FBXW10: variants seen among roughly 807,000 people sequenced by gnomAD.
FBXW10 encodes F-box/WD repeat-containing protein 10.
FBXW10 carries 68 observed loss-of-function variants against 113.1 expected under a neutral mutation model. The observed-to-expected ratio is 0.60, with a 90% CI of 0.49 to 0.74. FBXW10 has a LOEUF of 0.74. Among genes scored for constraint, FBXW10 ranks in the 30% least tolerant of loss-of-function variants. The pLI is 0.00. For missense variants in FBXW10, 753 were observed against 1,284.5 expected (o/e 0.59, Z 6.32); for synonymous variants, 289 against 481.6 (o/e 0.60, Z 5.24).
intron 7 of FBXW10, among the ~76,000 whole-genome samples, chr17:18,762,620 C>A (rs1250159532): frequency 2.0e-5 from 3 of 152,134 alleles, no homozygotes; most frequent in Non-Finnish European, 2.9e-5. Context: ...CCACGCCCGG[C>A]CGACAATATA....
intron 7 of FBXW10, among the ~76,000 whole-genome samples, chr17:18,760,334 G>C (rs1159003822): frequency 6.6e-6 from 1 of 152,218 alleles, no homozygotes. Flanking sequence ...GTATTGACTT[G>C]TGTGATCAAG....
intron 5 of FBXW10, among the ~76,000 whole-genome samples, chr17:18,755,554 GA>G (rs113240009): frequency 1.2e-4 from 18 of 148,632 alleles, no homozygotes; most frequent in African/African-American, 3.7e-4. Flanking sequence ...GACTCCGTCT[GA>G]AAAAAAAAAA....
Position 18,747,926 on chromosome 17 carries a change from T to C in FBXW10, c.506-15T>C, listed in dbSNP as rs1037618209. The C allele has an allele frequency of 2.5e-6, 4 of 1,613,742 alleles. No homozygotes were observed. Among genetic ancestry groups the C allele is most frequent in the African/African-American group, 2.7e-5 (2 of 74,908 alleles). On this transcript the variant is annotated splice_polypyrimidine_tract_variant and intron_variant, in intron 1 of 13. Transcript: ENST00000395665. ...CGCTTCAAGAGCAACCTTGTCTTGG[T>C]CTTCTGTGTTTCAGGGCTCAATCAA...
rs2035159294 is a variant in FBXW10, at chr17:18,751,055, T to G, written c.1122+2T>G. ...CCGAAGTGGAAGCTGAGAACGAAGG[T>G]GGGTTCCAACAGCATCTGGGGCAAG... On this transcript the variant is annotated splice_donor_variant, in intron 5 of 13. Transcript: ENST00000395665. LOFTEE classifies it high-confidence loss of function. 1.2e-6 allele frequency: 2 copies of G among 1,613,328 alleles called. No individual in the cohort carries two copies. The highest frequency in any genetic ancestry group is 3.3e-5 in the Admixed American group (2 of 59,952).
intron 2 of FBXW10, among the ~76,000 whole-genome samples, chr17:18,748,419 A>C (rs996348268): frequency 2.0e-5 from 3 of 147,292 alleles, no homozygotes; most frequent in African/African-American, 7.6e-5. Flanking sequence ...AAAAAAAAAA[A>C]AAAAAAAAAA....
intron 8 of FBXW10, among the ~76,000 whole-genome samples, chr17:18,765,240 G>A (rs2035472779): frequency 6.6e-6 from 1 of 152,210 alleles, no homozygotes; most frequent in Admixed American, 6.5e-5. Context: ...CATTTACTGA[G>A]TACCAGTTTT....
Position 18,756,503 on chromosome 17 carries a change from G to A in FBXW10, c.1232+349G>A, listed in dbSNP as rs1379173278. ...AAAAATCTTTCAAATGCCAGAAAAT[G>A]TATAGAGAAAGGCAAAGTTTTCCTG... On this transcript the variant is annotated intron_variant, in intron 6 of 13. Transcript: ENST00000395665. 2.6e-5 allele frequency among the ~76,000 whole-genome samples: 4 copies of A among 151,944 alleles called. No homozygotes were observed. The South Asian group carries it at 8.3e-4, about 32-fold the overall frequency.
rs781458691 is a variant in FBXW10 at position 18,778,561 on chromosome 17, A to C, written c.2422A>C (p.Ile808Leu). The change falls in exon 14 of 14, where the codon ATC (isoleucine) becomes CTC (leucine). Residue 808 changes from isoleucine to leucine, a missense_variant. By Grantham distance (5) the Ile-to-Leu change is conservative. Transcript: ENST00000395665. ...PSHPKKKSWKIPMSPDQFLLT... is the reference protein window; with the variant it reads ...PSHPKKKSWKLPMSPDQFLLT... ...TCACCCAAAGAAAAAGTCTTGGAAAATCCCTATGTCACCTGACCAATTCCT... is the reference window on the plus strand; with the variant it reads ...TCACCCAAAGAAAAAGTCTTGGAAACTCCCTATGTCACCTGACCAATTCCT... 5 of 1,613,946 alleles carry C rather than the reference A, an allele frequency of 3.1e-6. No homozygotes were observed. The East Asian group carries it at 1.1e-4, about 36-fold the overall frequency.
intron 8 of FBXW10, among the ~76,000 whole-genome samples, chr17:18,766,309 C>T (rs1397183259): frequency 1.9e-4 from 25 of 132,836 alleles, no homozygotes; most frequent in Non-Finnish European, 3.4e-4. Context: ...CCATGATTTT[C>T]TTTTTTTTTT....
intron 11 of FBXW10, 64 bp from the exon 12 acceptor site, chr17:18,772,348 T>C: frequency 6.8e-7 from 1 of 1,478,652 alleles, no homozygotes; most frequent in East Asian, 2.3e-5. Flanking sequence ...GGATGGTAAC[T>C]GCAGTGCATC....
intron 5 of FBXW10, among the ~76,000 whole-genome samples, chr17:18,753,357 C>G (rs1422203403): frequency 2.0e-5 from 3 of 151,952 alleles, no homozygotes; most frequent in African/African-American, 7.3e-5. Flanking sequence ...GGGACAGACA[C>G]ACAACTCTCC....
At chr17:18,769,160 C>T (rs2035561052) in intron 10 of FBXW10, among the ~76,000 whole-genome samples, 1 of 151,872 alleles carries the variant, frequency 6.6e-6, no homozygotes, top group Non-Finnish European at 1.5e-5. Flanking sequence ...TGGTCTTAAT[C>T]TCCTGACCTC....
intron 6 of FBXW10, among the ~76,000 whole-genome samples, 192 bp downstream of exon 6, chr17:18,756,346 G>A (rs547166740): frequency 6.6e-6 from 1 of 152,356 alleles, no homozygotes; most frequent in Admixed American, 6.5e-5. Context: ...AGTGGGTAAA[G>A]GACACTTTCC....
chr17:18,774,303 T>A (rs1314643742), intron 12 of FBXW10, among the ~76,000 whole-genome samples: 1 of 152,230 alleles, frequency 6.6e-6, no homozygotes, highest in Non-Finnish European at 1.5e-5. Flanking sequence ...GCTATGTGAC[T>A]CAGTTTCCAG....
rs117869831 is a variant in FBXW10, at chr17:18,775,855, C to T, written c.2335+663C>T. Among the ~76,000 whole-genome samples, 225 of 152,126 alleles carry T rather than the reference C, an allele frequency of 1.5e-3. 4 individuals are homozygous for T. The East Asian group carries it at 0.034, about 23-fold the overall frequency. On this transcript the variant is annotated intron_variant, in intron 13 of 13. Coordinates refer to ENST00000395665, the MANE Select transcript of FBXW10 (RefSeq NM_001267585.2). ...CCAGCCTGGGCCACTTAGCAAGACC[C>T]TTGTCTCTACCAAAAATTCAAAAAA...
chr17:18,753,552 C>T (rs1253044417), intron 5 of FBXW10, among the ~76,000 whole-genome samples: 1 of 152,126 alleles, frequency 6.6e-6, no homozygotes, highest in Non-Finnish European at 1.5e-5. Context: ...CCTTTCTCTC[C>T]TCTTTCTTTA....
At position 18,775,093 on chromosome 17, in the gene FBXW10, G is replaced by A. The variant is rs200809443; in HGVS notation, c.2279-43G>A. ...GATTATATTATTTTATGCCCTAATC[G>A]AAGTATATAATGACTACAGCTTCTT... is the stretch of plus-strand genomic sequence containing the variant. On this transcript the variant is annotated intron_variant, in intron 12 of 13. Coordinates refer to ENST00000395665, the MANE Select transcript of FBXW10 (RefSeq NM_001267585.2). The A allele has an allele frequency of 1.4e-4, 187 of 1,309,842 alleles. 1 individual carries two copies. The highest frequency in any genetic ancestry group is 3.6e-4 in the Middle Eastern group (2 of 5,502). The allele number at this position is 1,309,842 out of a possible 1,614,324, so 81.1% of individuals were successfully genotyped here. A position where few individuals can be genotyped will look rare whatever the true frequency, so the allele number is the denominator to read the frequency against.
At chr17:18,763,683 T>C (rs1597598424) in intron 7 of FBXW10, among the ~76,000 whole-genome samples, 1 of 152,216 alleles carries the variant, frequency 6.6e-6, no homozygotes, top group East Asian at 1.9e-4. Context: ...CAAGTGTTCT[T>C]GTTAAAAAAC....
chr17:18,764,218 T>C, intron 7 of FBXW10, among the ~76,000 whole-genome samples: 1 of 151,226 alleles, frequency 6.6e-6, no homozygotes, highest in East Asian at 1.9e-4. Context: ...TTTTTTTTTT[T>C]TTGAGACAGA....
Sources: allele counts gnomAD v4.1 joint callset (sites outside exome capture counted in the v4.1 genomes callset), GRCh38; gene constraint gnomAD v4.1.1; transcripts MANE v1.5; gene names NCBI Gene and HGNC (gene_info 2026-07-23, HGNC 2026-07-21).